The following CPSF4 variants were observed in gnomAD, a reference collection of about 807,000 sequenced individuals.
CPSF4 encodes cleavage and polyadenylation specificity factor subunit 4.
Under a neutral mutation model 37.7 loss-of-function variants are expected in CPSF4, and 11 were observed. That is an observed-to-expected ratio of 0.29 (90% CI 0.18 to 0.48). The LOEUF is 0.48. Among genes scored for constraint, CPSF4 ranks in the 20% least tolerant of loss-of-function variants. CPSF4 has a pLI of 0.99. For synonymous variants in CPSF4, 132 were observed against 135.9 expected (o/e 0.97, Z 0.20); for missense variants, 144 against 359.5 (o/e 0.40, Z 4.85).
Position 99,448,621 on chromosome 7 carries a change from T to C in CPSF4, c.307+348T>C, listed in dbSNP as rs74299666. On this transcript the variant is annotated intron_variant, in intron 3 of 7. Coordinates refer to ENST00000292476, the MANE Select transcript of CPSF4 (RefSeq NM_006693.4). This position sits in a 1 kb window ranked among gnomAD's most constrained non-coding sequence, Gnocchi z 4.4. ...GGCCCCGCGCATCACTTTGGAGTGC[T>C]TCAGTGTTTGGAGCTCTTTCAATCA... 148 of 192,340 alleles carry C rather than the reference T, an allele frequency of 7.7e-4. 2 individuals carry two copies. In the East Asian group the frequency reaches 0.021, roughly 27 times the overall value. The allele number at this position is 192,340 out of a possible 1,614,324, so 11.9% of individuals were successfully genotyped here.
chr7:99,445,640 T>C (rs1264955223), intron 2 of CPSF4, among the ~76,000 whole-genome samples: 1 of 152,132 alleles, frequency 6.6e-6, no homozygotes, highest in Non-Finnish European at 1.5e-5. Flanking sequence ...TCCCAGCACT[T>C]TGGGAGGCCG....
At position 99,453,597 on chromosome 7, in the gene CPSF4, C is replaced by G. The variant is rs1022084107; in HGVS notation, c.571-369C>G. The G allele has an allele frequency of 5.7e-6, 1 of 174,626 alleles. No individual in the cohort carries two copies. The highest frequency in any genetic ancestry group is 2.4e-5 in the African/African-American group (1 of 41,978). The allele number at this position is 174,626 out of a possible 1,614,324, so 10.8% of individuals were successfully genotyped here. On this transcript the variant is annotated intron_variant, in intron 6 of 7. Transcript: ENST00000292476. The surrounding 1 kb of genome is among the most constrained non-coding windows in gnomAD (Gnocchi z 4.7). ...AACTGTTTTTCTGTGACTTGCTCGC[C>G]GTGTAGGCTGCTAAACATCTGGCTG... is the stretch of plus-strand genomic sequence containing the variant.
chr7:99,440,798 T>A (rs1325841056), intron 1 of CPSF4, among the ~76,000 whole-genome samples: 5 of 149,628 alleles, frequency 3.3e-5, no homozygotes, highest in African/African-American at 1.2e-4. Flanking sequence ...TAAGGAGACA[T>A]CATCAGACCA....
At position 99,451,548 on chromosome 7, in the gene CPSF4, T is replaced by C. The variant is rs567462443; in HGVS notation, c.497+753T>C. Among the ~76,000 whole-genome samples, 15 of 152,360 alleles carry C rather than the reference T, an allele frequency of 9.8e-5. No homozygotes were observed. In the East Asian group the frequency reaches 2.5e-3, roughly 25 times the overall value. On this transcript the variant is annotated intron_variant, in intron 5 of 7. Coordinates refer to ENST00000292476, the MANE Select transcript of CPSF4 (RefSeq NM_006693.4). ...TGAACCCAGGAGGTGGAAGTTGCAGTGAGCCAACATCGTGCCACTGCACTC... is the reference window on the plus strand; with the variant it reads ...TGAACCCAGGAGGTGGAAGTTGCAGCGAGCCAACATCGTGCCACTGCACTC...
chr7:99,450,507 C>T, intron 4 of CPSF4, 136 bp downstream of exon 4: 5 of 746,406 alleles, frequency 6.7e-6, no homozygotes, highest in Non-Finnish European at 1.1e-5. Context: ...TCTCACACTC[C>T]TCATCTCCCT....
intron 1 of CPSF4, among the ~76,000 whole-genome samples, chr7:99,440,586 G>A (rs1796820327): frequency 6.8e-6 from 1 of 147,676 alleles, no homozygotes; most frequent in South Asian, 2.1e-4. Context: ...TGAACTCCTG[G>A]GCTCAAGTGA....
chr7:99,439,065 G>T lies in CPSF4; in HGVS notation c.-18G>T. On this transcript the variant is annotated 5_prime_UTR_variant, in exon 1 of 8. Transcript: ENST00000292476. ...GAGACCGAGGGGGAGCCGGGCCGGTGGGGCCGCCGCCGCCGCCATGCAGGA... is the reference window on the plus strand; with the variant it reads ...GAGACCGAGGGGGAGCCGGGCCGGTTGGGCCGCCGCCGCCGCCATGCAGGA... 6.2e-7 allele frequency: 1 copy of T among 1,600,354 alleles called. No individual in the cohort carries two copies. The highest frequency in any genetic ancestry group is 8.5e-7 in the Non-Finnish European group (1 of 1,175,492).
At chr7:99,451,475 C>T (rs13227522) in intron 5 of CPSF4, among the ~76,000 whole-genome samples, 27,416 of 152,114 alleles carry the variant, frequency 0.18, 3,948 homozygotes, top group African/African-American at 0.4. Context: ...TGTAGCGGCG[C>T]GTGCCTGTAG....
chr7:99,447,686 T>A (rs1461285608), intron 2 of CPSF4: 6 of 347,828 alleles, frequency 1.7e-5, no homozygotes, highest in Admixed American at 1.2e-4. Flanking sequence ...GCCTCCCGGG[T>A]TCACGCTGTT....
rs758348263 is a variant in CPSF4 at position 99,456,593 on chromosome 7, T to C, written c.*93T>C. ...ATGCGCTTGTTGGCGCGACTGTGGC[T>C]CGAGCTGGCCCGCAGACACGTGGGT... On this transcript the variant is annotated 3_prime_UTR_variant, in exon 8 of 8. Transcript: ENST00000292476. The C allele has an allele frequency of 9.4e-7, 1 of 1,066,966 alleles. No individual in the cohort carries two copies. The highest frequency in any genetic ancestry group is 1.3e-5 in the South Asian group (1 of 77,684). 66.1% of individuals were successfully genotyped at this position (1,066,966 alleles called of 1,614,324 possible).
chr7:99,448,305 G>A lies in CPSF4; in HGVS notation c.307+32G>A. The A allele has an allele frequency of 1.2e-6, 2 of 1,612,156 alleles. No individual in the cohort carries two copies. Among genetic ancestry groups the A allele is most frequent in the East Asian group, 2.2e-5 (1 of 44,862 alleles). On this transcript the variant is annotated intron_variant, in intron 3 of 7. Coordinates refer to ENST00000292476, the MANE Select transcript of CPSF4 (RefSeq NM_006693.4). The surrounding 1 kb of genome is among the most constrained non-coding windows in gnomAD (Gnocchi z 4.4). ...CGCCTGGAGCCCTGGAGGCTCTGCT[G>A]AGAACCAGGGTGCAGAGGGGTCCGC... is the stretch of plus-strand genomic sequence containing the variant.
intron 1 of CPSF4, chr7:99,443,197 T>G (rs564106350): frequency 3.8e-6 from 3 of 780,692 alleles, no homozygotes; most frequent in African/African-American, 3.4e-5. Flanking sequence ...TGTTCGGCCC[T>G]CTTCTGCATT....
At position 99,438,974 on chromosome 7, in the gene CPSF4, CGA is replaced by C; in HGVS notation, c.-107_-106del. The C allele has an allele frequency of 7.7e-7, 1 of 1,306,024 alleles. No homozygotes were observed. 80.9% of individuals were successfully genotyped at this position (1,306,024 alleles called of 1,614,324 possible). On this transcript the variant is annotated 5_prime_UTR_variant, in exon 1 of 8. Coordinates refer to ENST00000292476, the MANE Select transcript of CPSF4 (RefSeq NM_006693.4). ...CCTCGGGCGGCGGCGGCGGCGGCGG[CGA>C]GGCGAAGCGAAGGAGGAGTGTGTGC...
In CPSF4 at chr7:99,445,234, A is replaced by G. The variant is rs540081360; in HGVS notation, c.154+395A>G. 5.9e-5 allele frequency among the ~76,000 whole-genome samples: 9 copies of G among 152,200 alleles called. No individual in the cohort carries two copies. The South Asian group carries it at 1.7e-3, about 28-fold the overall frequency. ...GGCTCATGGTTTTCTGTGGCCTCCCATCGAAACACCCCATGATAACCCATC... is the reference window on the plus strand; with the variant it reads ...GGCTCATGGTTTTCTGTGGCCTCCCGTCGAAACACCCCATGATAACCCATC... On this transcript the variant is annotated intron_variant, in intron 2 of 7. Coordinates refer to ENST00000292476, the MANE Select transcript of CPSF4 (RefSeq NM_006693.4).
chr7:99,445,576 G>T (rs1409559499), intron 2 of CPSF4, among the ~76,000 whole-genome samples: 3 of 152,124 alleles, frequency 2.0e-5, no homozygotes, highest in Non-Finnish European at 4.4e-5. Context: ...TGTGGGCCGG[G>T]CTAATCCATC....
Position 99,448,561 on chromosome 7 carries a change from A to G in CPSF4, c.307+288A>G. 3.3e-6 allele frequency: 1 copy of G among 299,844 alleles called. No individual in the cohort carries two copies. The highest frequency in any genetic ancestry group is 4.4e-5 in the South Asian group (1 of 22,890). The allele number at this position is 299,844 out of a possible 1,614,324, so 18.6% of individuals were successfully genotyped here. ...GTGATCTGCCTGCCTCAGCCTCCCA[A>G]AGTGCTGGGATTACAGGCGTGAGCC... On this transcript the variant is annotated intron_variant, in intron 3 of 7. Coordinates refer to ENST00000292476, the MANE Select transcript of CPSF4 (RefSeq NM_006693.4). This position sits in a 1 kb window ranked among gnomAD's most constrained non-coding sequence, Gnocchi z 4.4.
chr7:99,451,504 C>T (rs1468664396), intron 5 of CPSF4, among the ~76,000 whole-genome samples: 1 of 152,210 alleles, frequency 6.6e-6, no homozygotes, highest in Non-Finnish European at 1.5e-5. Flanking sequence ...ACTTGGGAGG[C>T]TGAGGCAAAA....
In CPSF4 at chr7:99,452,244, G is replaced by A. The variant is rs2151010017; in HGVS notation, c.498-124G>A. On this transcript the variant is annotated intron_variant, in intron 5 of 7. Transcript: ENST00000292476. The stretch of plus-strand genomic sequence containing the variant: ...CCATGCAGCTTGTGTCAGTCACTTT[G>A]TGCTGGGGCAGCTGAGTGTGATTTT... 4.9e-6 allele frequency: 4 copies of A among 820,402 alleles called. 1 individual carries two copies. In the South Asian group the frequency reaches 6.1e-5, roughly 12 times the overall value. The allele number at this position is 820,402 out of a possible 1,614,324, so 50.8% of individuals were successfully genotyped here. A position where few individuals can be genotyped will look rare whatever the true frequency, so the allele number is the denominator to read the frequency against.
chr7:99,452,142 C>T (rs1477472314), intron 5 of CPSF4, among the ~76,000 whole-genome samples: 1 of 152,094 alleles, frequency 6.6e-6, no homozygotes, highest in African/African-American at 2.4e-5. Flanking sequence ...GGTCTGAGCC[C>T]AGGCAAGTCA....
Sources: gnomAD v4.1 joint callset for allele counts (sites outside exome capture counted in the v4.1 genomes callset) on GRCh38, gnomAD v4.1.1 for gene constraint, Gnocchi (gnomAD v3.1) non-coding constraint, MANE v1.5 for transcripts, NCBI Gene and HGNC (gene_info 2026-07-23, HGNC 2026-07-21) for gene names.